The following FOXN3 variants were observed in gnomAD, a reference collection of about 807,000 sequenced individuals.
FOXN3 encodes the protein forkhead box protein N3.
A neutral mutation model predicts 38.4 loss-of-function variants in FOXN3; 7 were observed. That is an observed-to-expected ratio of 0.18 (90% CI 0.10 to 0.34). FOXN3 has a LOEUF of 0.34. Ranked by LOEUF, FOXN3 falls within the 10% of genes least tolerant of loss-of-function variation. The probability of loss-of-function intolerance (pLI) is 1.00; values close to 1 mark genes in which losing one functional copy is unlikely to be tolerated. For synonymous variants in FOXN3, 230 were observed against 242.2 expected (o/e 0.95, Z 0.47); for missense variants, 456 against 613.4 (o/e 0.74, Z 2.71).
rs553367502 is a variant in FOXN3, at chr14:89,159,905, A to T, written c.*2509T>A. On this transcript the variant is annotated 3_prime_UTR_variant, in exon 6 of 6. Transcript: ENST00000557258. ...TGGAAGTATTCAGCTTCAGGTCATG[A>T]ATTCGACCTGCTGTAGAGGTGTAGG... 6.6e-6 allele frequency: 1 copy of T among 152,184 alleles called. No individual in the cohort carries two copies. Among genetic ancestry groups the T allele is most frequent in the Non-Finnish European group, 1.5e-5 (1 of 68,048 alleles). The allele number at this position is 152,184 out of a possible 1,614,324, so 9.4% of individuals were successfully genotyped here. A position where few individuals can be genotyped will look rare whatever the true frequency, so the allele number is the denominator to read the frequency against.
chr14:89,263,861 G>C (rs1885884407), intron 4 of FOXN3: 1 of 152,176 alleles, frequency 6.6e-6, no homozygotes, highest in Non-Finnish European at 1.5e-5. Flanking sequence ...AGACCAGCCT[G>C]ATCAACATGG....
chr14:89,524,274 T>C (rs1448711271), intron 1 of FOXN3, among the ~76,000 whole-genome samples: 2 of 141,592 alleles, frequency 1.4e-5, no homozygotes, highest in East Asian at 4.1e-4. Context: ...CTCGGGAGGC[T>C]GAGGCAGGAG....
chr14:89,432,086 T>C (rs1319906146), intron 1 of FOXN3, among the ~76,000 whole-genome samples: 1 of 152,102 alleles, frequency 6.6e-6, no homozygotes, highest in Non-Finnish European at 1.5e-5. Flanking sequence ...AATAGGAAAA[T>C]CATAAAGAAC....
At chr14:89,331,922 AAT>A (rs1311727738) in intron 3 of FOXN3, among the ~76,000 whole-genome samples, 3 of 152,174 alleles carry the variant, frequency 2.0e-5, no homozygotes, top group Non-Finnish European at 4.4e-5. Flanking sequence ...TGTTCCTTGG[AAT>A]ATGTTGATCA....
chr14:89,359,526 C>T (rs1433664352), intron 2 of FOXN3, among the ~76,000 whole-genome samples: 3 of 152,146 alleles, frequency 2.0e-5, no homozygotes, highest in Non-Finnish European at 4.4e-5. Context: ...AGCGTTTTGT[C>T]TCAGATGCAC....
intron 1 of FOXN3, among the ~76,000 whole-genome samples, chr14:89,539,567 G>A (rs1894756715): frequency 6.6e-6 from 1 of 152,176 alleles, no homozygotes; most frequent in African/African-American, 2.4e-5. Context: ...ACAACCTTGG[G>A]TCCTGCTCAC....
intron 1 of FOXN3, among the ~76,000 whole-genome samples, chr14:89,479,659 T>C (rs1893283661): frequency 6.6e-6 from 1 of 152,194 alleles, no homozygotes; most frequent in African/African-American, 2.4e-5. Context: ...CCAAGTGGGA[T>C]AGCACAAATA....
rs1395143584 is a variant in FOXN3 at position 89,432,166 on chromosome 14, G to T, written c.-14-19676C>A. The stretch of plus-strand genomic sequence containing the variant: ...ATCCCTGTCACCTCTCTGTGGAAGG[G>T]TATAAAGGAAATATTGGTTTGAAAC... On this transcript the variant is annotated intron_variant, in intron 1 of 6. Transcript: ENST00000345097. Among the ~76,000 whole-genome samples the T allele has an allele frequency of 2.0e-5, 3 of 152,178 alleles. No homozygotes were observed. The South Asian group carries it at 6.2e-4, about 31-fold the overall frequency.
chr14:89,550,929 G>A (rs1202406352), intron 1 of FOXN3, among the ~76,000 whole-genome samples: 1 of 152,194 alleles, frequency 6.6e-6, no homozygotes, highest in African/African-American at 2.4e-5. Flanking sequence ...TAGAGCCTCT[G>A]CAGACACGCA....
chr14:89,255,264 C>T (rs1381254067), intron 4 of FOXN3, among the ~76,000 whole-genome samples: 2 of 152,222 alleles, frequency 1.3e-5, no homozygotes, highest in Non-Finnish European at 2.9e-5. Flanking sequence ...CTCATTTTCA[C>T]AAATGCGGCA....
chr14:89,236,232 C>T (rs1391823127), intron 4 of FOXN3, among the ~76,000 whole-genome samples: 3 of 152,192 alleles, frequency 2.0e-5, no homozygotes, highest in Non-Finnish European at 4.4e-5. Flanking sequence ...GAGTAGCATG[C>T]AGGCCGGGCA....
chr14:89,176,991 C>T (rs1887535652), intron 5 of FOXN3, among the ~76,000 whole-genome samples: 1 of 146,794 alleles, frequency 6.8e-6, no homozygotes, highest in African/African-American at 2.5e-5. Context: ...TACTGGTTAT[C>T]TCTCTCTCTC....
intron 1 of FOXN3, among the ~76,000 whole-genome samples, chr14:89,561,498 C>T (rs1895247979): frequency 6.6e-6 from 1 of 152,232 alleles, no homozygotes; most frequent in East Asian, 1.9e-4. Context: ...AGGCGTGAGC[C>T]ACCACGCTTG....
At chr14:89,259,086 C>T (rs1596137071) in intron 4 of FOXN3, among the ~76,000 whole-genome samples, 2 of 152,194 alleles carry the variant, frequency 1.3e-5, no homozygotes, top group African/African-American at 2.4e-5. Flanking sequence ...GATTCTGGGC[C>T]GGACCTCAGA....
intron 1 of FOXN3, among the ~76,000 whole-genome samples, chr14:89,495,527 T>C (rs1234784882): frequency 2.6e-5 from 4 of 152,208 alleles, no homozygotes; most frequent in African/African-American, 9.6e-5. Flanking sequence ...TAGGGTCCAG[T>C]AGAAAACCTA....
chr14:89,477,475 T>C lies in FOXN3; in HGVS notation c.-14-64985A>G, dbSNP rs11844226. On this transcript the variant is annotated intron_variant, in intron 1 of 6. Coordinates refer to the FOXN3 transcript ENST00000345097. ...ACCCTTGATAAGAAAGTAGTTTATG[T>C]GCTTCTGAAGGAAATGAATTCTAAC... Among the ~76,000 whole-genome samples the C allele has an allele frequency of 8.6e-3, 1,308 of 152,346 alleles. 15 individuals are homozygous for C. The highest frequency in any genetic ancestry group is 0.03 in the African/African-American group (1,244 of 41,592).
At chr14:89,482,574 A>G (rs964125308) in intron 1 of FOXN3, among the ~76,000 whole-genome samples, 3 of 151,456 alleles carry the variant, frequency 2.0e-5, no homozygotes, top group South Asian at 2.1e-4. Flanking sequence ...TGATCACGCC[A>G]CTGCACTCCA....
intron 4 of FOXN3, among the ~76,000 whole-genome samples, chr14:89,264,460 T>TC (rs772057599): frequency 3.9e-5 from 6 of 152,128 alleles, no homozygotes; most frequent in Non-Finnish European, 5.9e-5. Context: ...TCCCATGGGG[T>TC]CCCTTCCCAT....
chr14:89,419,047 C>T (rs1891837439), upstream of FOXN3: 1 of 440,536 alleles, frequency 2.3e-6, no homozygotes, highest in Non-Finnish European at 4.6e-6. Flanking sequence ...TCTCAGAGTT[C>T]AAAAAGAGGG....
Sources: gnomAD v4.1 joint callset for allele counts (sites outside exome capture counted in the v4.1 genomes callset) on GRCh38, gnomAD v4.1.1 for gene constraint, MANE v1.5 for transcripts, NCBI Gene and HGNC (gene_info 2026-07-23, HGNC 2026-07-21) for gene names.